PPP2R2A: variants seen among roughly 807,000 people sequenced by gnomAD.
The protein encoded by PPP2R2A is serine/threonine-protein phosphatase 2A 55 kDa regulatory subunit B alpha isoform.
In PPP2R2A, 9 loss-of-function variants were observed where a neutral mutation model predicts 53.2. The observed-to-expected ratio is 0.17, with a 90% CI of 0.10 to 0.30. The LOEUF is 0.30. Among genes scored for constraint, PPP2R2A ranks in the 10% least tolerant of loss-of-function variants. The probability of loss-of-function intolerance (pLI) is 1.00; values close to 1 mark genes in which losing one functional copy is unlikely to be tolerated. For missense variants in PPP2R2A, 235 were observed against 534.6 expected (o/e 0.44, Z 5.53); for synonymous variants, 169 against 174.2 (o/e 0.97, Z 0.23).
In PPP2R2A at chr8:26,360,312, A is replaced by T. The variant is rs776994446; in HGVS notation, c.459+31A>T. On this transcript the variant is annotated intron_variant, in intron 5 of 9. Transcript: ENST00000380737. This position sits in a 1 kb window ranked among gnomAD's most constrained non-coding sequence, Gnocchi z 4.5. ...TACATAAGAAAAAAATGTCACAGAT[A>T]GTGCTTGTATTCATATTATATAGCC... The T allele has an allele frequency of 1.5e-5, 21 of 1,355,104 alleles. No homozygotes were observed. The highest frequency in any genetic ancestry group is 2.2e-5 in the Non-Finnish European group (21 of 960,834). The allele number at this position is 1,355,104 out of a possible 1,614,324, so 83.9% of individuals were successfully genotyped here.
At chr8:26,359,638 A>C (rs1312318756) in intron 4 of PPP2R2A, among the ~76,000 whole-genome samples, 1 of 74,652 alleles carries the variant, frequency 1.3e-5, no homozygotes, top group African/African-American at 5.1e-5. Context: ...CTGATACAAG[A>C]AGGGGAAAGG....
intron 2 of PPP2R2A, among the ~76,000 whole-genome samples, chr8:26,310,656 AT>A (rs201838902): frequency 4.2e-4 from 47 of 112,106 alleles, no homozygotes; most frequent in African/African-American, 8.1e-4. Flanking sequence ...GAAAGGTGTG[AT>A]TTTTTTTTTC....
At chr8:26,356,706 T>C (rs1804798523) in intron 4 of PPP2R2A, among the ~76,000 whole-genome samples, 1 of 152,236 alleles carries the variant, frequency 6.6e-6, no homozygotes, top group African/African-American at 2.4e-5. Context: ...TTTTATATAT[T>C]GGAATATTTT....
rs180987814 is a variant in PPP2R2A at position 26,331,690 on chromosome 8, G to A, written c.83-7200G>A. Among the ~76,000 whole-genome samples the A allele has an allele frequency of 5.7e-3, 863 of 152,180 alleles. 4 individuals are homozygous for A. The highest frequency in any genetic ancestry group is 8.2e-3 in the Non-Finnish European group (555 of 68,010). On this transcript the variant is annotated intron_variant, in intron 2 of 9. Coordinates refer to ENST00000380737, the MANE Select transcript of PPP2R2A (RefSeq NM_002717.4). ...AATTTCGTATTAGAATACTACATTG[G>A]CAGCCCCATTTGTTTGTAGATACGT...
chr8:26,328,629 C>T (rs1278636628), intron 2 of PPP2R2A, among the ~76,000 whole-genome samples: 1 of 152,180 alleles, frequency 6.6e-6, no homozygotes, highest in Non-Finnish European at 1.5e-5. Context: ...CAAACAGGAT[C>T]AAATGTACTT....
intron 1 of PPP2R2A, chr8:26,293,215 C>T (rs953989976): frequency 2.0e-6 from 3 of 1,534,540 alleles, no homozygotes; most frequent in Non-Finnish European, 2.6e-6. Flanking sequence ...TGATAAGGTT[C>T]ATATGAATCA....
At position 26,352,314 on chromosome 8, in the gene PPP2R2A, A is replaced by G. The variant is rs570121646; in HGVS notation, c.181-2154A>G. Among the ~76,000 whole-genome samples, 28 of 152,294 alleles carry G rather than the reference A, an allele frequency of 1.8e-4. No individual in the cohort carries two copies. In the South Asian group the frequency reaches 4.1e-3, roughly 23 times the overall value. On this transcript the variant is annotated intron_variant, in intron 3 of 9. Transcript: ENST00000380737. ...CTGTACTTTGTTTGTGCAGGGAACA[A>G]TGCTATCATGATCATTATAATGTAA...
Position 26,354,381 on chromosome 8 carries a change from G to T in PPP2R2A, c.181-87G>T. On this transcript the variant is annotated intron_variant, in intron 3 of 9. Coordinates refer to ENST00000380737, the MANE Select transcript of PPP2R2A (RefSeq NM_002717.4). The surrounding 1 kb of genome is among the most constrained non-coding windows in gnomAD (Gnocchi z 4.6). ...ACACAACTAATGGGGTATTGAGAAT[G>T]TGCAGGGTCCTTTGGAATTGATTAC... The T allele has an allele frequency of 8.9e-7, 1 of 1,126,112 alleles. No homozygotes were observed. The highest frequency in any genetic ancestry group is 1.2e-6 in the Non-Finnish European group (1 of 818,188). 69.8% of individuals were successfully genotyped at this position (1,126,112 alleles called of 1,614,324 possible).
At chr8:26,302,500 G>A (rs2082597) in intron 2 of PPP2R2A, among the ~76,000 whole-genome samples, 7,387 of 152,280 alleles carry the variant, frequency 0.049, 214 homozygotes, top group South Asian at 0.12. Context: ...GTAAAAGTGC[G>A]TGCTAGAGCA....
In PPP2R2A at chr8:26,354,380, T is replaced by G. The variant is rs951009594; in HGVS notation, c.181-88T>G. On this transcript the variant is annotated intron_variant, in intron 3 of 9. Transcript: ENST00000380737. This position sits in a 1 kb window ranked among gnomAD's most constrained non-coding sequence, Gnocchi z 4.6. ...GACACAACTAATGGGGTATTGAGAA[T>G]GTGCAGGGTCCTTTGGAATTGATTA... 11 of 1,072,468 alleles carry G rather than the reference T, an allele frequency of 1.0e-5. No individual in the cohort carries two copies. The highest frequency in any genetic ancestry group is 1.3e-5 in the Non-Finnish European group (10 of 783,122). The allele number at this position is 1,072,468 out of a possible 1,614,324, so 66.4% of individuals were successfully genotyped here.
chr8:26,313,760 G>A (rs1210621104), intron 2 of PPP2R2A, among the ~76,000 whole-genome samples: 1 of 152,184 alleles, frequency 6.6e-6, no homozygotes, highest in Non-Finnish European at 1.5e-5. Flanking sequence ...AGAAATGCAG[G>A]TGGCCTCCAG....
intron 2 of PPP2R2A, among the ~76,000 whole-genome samples, chr8:26,329,334 C>T (rs1306211118): frequency 6.6e-6 from 1 of 152,014 alleles, no homozygotes; most frequent in African/African-American, 2.4e-5. Context: ...AGGTGTCTAT[C>T]CCTTCTCCCT....
At chr8:26,315,644 A>G (rs960080302) in intron 2 of PPP2R2A, among the ~76,000 whole-genome samples, 1 of 152,062 alleles carries the variant, frequency 6.6e-6, no homozygotes, top group African/African-American at 2.4e-5. Context: ...GCAGCCCTGC[A>G]AGGTACCTGG....
chr8:26,347,787 G>A (rs1033013016), intron 3 of PPP2R2A, among the ~76,000 whole-genome samples: 70 of 152,142 alleles, frequency 4.6e-4, no homozygotes, highest in Non-Finnish European at 4.4e-5. Context: ...TACATAATAG[G>A]CACTCAGTGA....
At chr8:26,357,672 A>G (rs1292566026) in intron 4 of PPP2R2A, among the ~76,000 whole-genome samples, 1 of 152,108 alleles carries the variant, frequency 6.6e-6, no homozygotes, top group Non-Finnish European at 1.5e-5. Flanking sequence ...CTTCTTGATA[A>G]GTTTTTTAGG....
chr8:26,298,036 A>G (rs1801618749), intron 2 of PPP2R2A, among the ~76,000 whole-genome samples: 1 of 152,210 alleles, frequency 6.6e-6, no homozygotes, highest in Admixed American at 6.5e-5. Flanking sequence ...ACATACTGTA[A>G]AAAGTACTAT....
At position 26,360,320 on chromosome 8, in the gene PPP2R2A, T is replaced by C. The variant is rs1222675974; in HGVS notation, c.459+39T>C. ...AAAAAAATGTCACAGATAGTGCTTG[T>C]ATTCATATTATATAGCCCAAATCCT... is the stretch of plus-strand genomic sequence containing the variant. On this transcript the variant is annotated intron_variant, in intron 5 of 9. Coordinates refer to ENST00000380737, the MANE Select transcript of PPP2R2A (RefSeq NM_002717.4). The surrounding 1 kb of genome is among the most constrained non-coding windows in gnomAD (Gnocchi z 4.5). 8.0e-7 allele frequency: 1 copy of C among 1,243,514 alleles called. No individual in the cohort carries two copies. Among genetic ancestry groups the C allele is most frequent in the Non-Finnish European group, 1.2e-6 (1 of 862,460 alleles). The allele number at this position is 1,243,514 out of a possible 1,614,324, so 77.0% of individuals were successfully genotyped here. A position where few individuals can be genotyped will look rare whatever the true frequency, so the allele number is the denominator to read the frequency against.
At chr8:26,292,380 G>A in intron 1 of PPP2R2A, 3 of 985,754 alleles carry the variant, frequency 3.0e-6, no homozygotes, top group Non-Finnish European at 3.6e-6. Flanking sequence ...TAAATTTTTT[G>A]TTTCGAACCA....
chr8:26,336,098 G>A (rs1360268594), intron 2 of PPP2R2A, among the ~76,000 whole-genome samples: 2 of 152,066 alleles, frequency 1.3e-5, no homozygotes, highest in Non-Finnish European at 2.9e-5. Context: ...ATCATTACTT[G>A]ATTCTTGTTC....
Sources: gnomAD v4.1 joint callset for allele counts (sites outside exome capture counted in the v4.1 genomes callset) on GRCh38, gnomAD v4.1.1 for gene constraint, Gnocchi (gnomAD v3.1) non-coding constraint, MANE v1.5 for transcripts, NCBI Gene and HGNC (gene_info 2026-07-23, HGNC 2026-07-21) for gene names.